ERC2: variants seen among roughly 807,000 people sequenced by gnomAD.
ERC2 encodes the protein ERC protein 2.
In ERC2, 42 loss-of-function variants were observed where a neutral mutation model predicts 114.8. The observed-to-expected ratio is 0.37, with a 90% CI of 0.29 to 0.47. The LOEUF is 0.47. ERC2 is among the 20% of genes least tolerant of loss of function. ERC2 has a pLI of 0.99. For missense variants in ERC2, 939 were observed against 1,150.7 expected (o/e 0.82, Z 2.66); for synonymous variants, 454 against 425.5 (o/e 1.07, Z -0.82).
At chr3:56,264,495 G>A (rs2053157967) in intron 3 of ERC2, among the ~76,000 whole-genome samples, 1 of 151,758 alleles carries the variant, frequency 6.6e-6, no homozygotes, top group Non-Finnish European at 1.5e-5. Flanking sequence ...TACTTGGGAG[G>A]CCAAGACAAG....
chr3:55,793,384 G>A (rs191602300), intron 14 of ERC2, among the ~76,000 whole-genome samples: 199 of 152,302 alleles, frequency 1.3e-3, no homozygotes, highest in African/African-American at 4.6e-3. Flanking sequence ...AAAGCCAGGT[G>A]AACATTCTAA....
chr3:55,752,891 C>T (rs2066804108), intron 14 of ERC2, among the ~76,000 whole-genome samples: 1 of 152,270 alleles, frequency 6.6e-6, no homozygotes, highest in East Asian at 1.9e-4. Flanking sequence ...GGCTGAATTC[C>T]GATAAGAGGA....
intron 17 of ERC2, among the ~76,000 whole-genome samples, chr3:55,661,543 T>G (rs1427669907): frequency 6.6e-6 from 1 of 152,204 alleles, no homozygotes; most frequent in Non-Finnish European, 1.5e-5. Context: ...ACTTTCTTTC[T>G]CGACTTTTAA....
chr3:55,967,857 TTGCCTTTC>T (rs895189655), intron 12 of ERC2, among the ~76,000 whole-genome samples: 50 of 152,294 alleles, frequency 3.3e-4, no homozygotes, highest in African/African-American at 9.1e-4. Context: ...TTGCCCTCTC[TTGCCTTTC>T]TGCCTTTCTG....
intron 17 of ERC2, among the ~76,000 whole-genome samples, chr3:55,598,424 A>C (rs1187484095): frequency 6.6e-6 from 1 of 152,246 alleles, no homozygotes; most frequent in Admixed American, 6.5e-5. Flanking sequence ...TGCTCATAAC[A>C]TTAGTGCTGA....
At chr3:56,268,182 T>G (rs1023266863) in intron 3 of ERC2, among the ~76,000 whole-genome samples, 1 of 152,226 alleles carries the variant, frequency 6.6e-6, no homozygotes. Context: ...TAGAAATATT[T>G]AGATACACCA....
At chr3:56,128,001 C>T (rs890584990) in intron 6 of ERC2, among the ~76,000 whole-genome samples, 8 of 151,794 alleles carry the variant, frequency 5.3e-5, no homozygotes, top group Non-Finnish European at 7.4e-5. Context: ...GTAAAATCCC[C>T]GGAGGCGGAG....
intron 13 of ERC2, among the ~76,000 whole-genome samples, chr3:55,909,133 C>G (rs967091413): frequency 2.0e-5 from 3 of 152,192 alleles, no homozygotes; most frequent in African/African-American, 7.2e-5. Context: ...AACAGGAAGT[C>G]AGTCTAATGC....
At chr3:55,686,341 TTTTAAAG>T (rs2062330733) in intron 16 of ERC2, among the ~76,000 whole-genome samples, 2 of 152,242 alleles carry the variant, frequency 1.3e-5, no homozygotes, top group Non-Finnish European at 2.9e-5. Context: ...GTTTTTAGTT[TTTTAAAG>T]TTTAAAGTTT....
chr3:55,819,279 T>C (rs566466595), intron 14 of ERC2, among the ~76,000 whole-genome samples: 1 of 152,312 alleles, frequency 6.6e-6, no homozygotes, highest in East Asian at 1.9e-4. Context: ...AACCTCGACT[T>C]GTGACAAGCC....
intron 14 of ERC2, among the ~76,000 whole-genome samples, chr3:55,748,498 T>C (rs184689521): frequency 1.3e-5 from 2 of 152,254 alleles, no homozygotes; most frequent in Non-Finnish European, 2.9e-5. Context: ...AACCCAGAGA[T>C]TGTCCACAGT....
At chr3:55,815,436 A>T (rs910684962) in intron 14 of ERC2, among the ~76,000 whole-genome samples, 3 of 152,180 alleles carry the variant, frequency 2.0e-5, no homozygotes, top group Non-Finnish European at 4.4e-5. Flanking sequence ...AGGAAGTGAG[A>T]GCGATGTGAA....
chr3:55,967,512 A>G (rs1436728362), intron 12 of ERC2, among the ~76,000 whole-genome samples: 2 of 152,196 alleles, frequency 1.3e-5, no homozygotes, highest in African/African-American at 4.8e-5. Context: ...GTACCTTATA[A>G]AATCAGAATT....
chr3:55,651,915 T>G (rs1377759228), intron 17 of ERC2, among the ~76,000 whole-genome samples: 1 of 152,254 alleles, frequency 6.6e-6, no homozygotes, highest in Non-Finnish European at 1.5e-5. Flanking sequence ...GGAATGCTGT[T>G]GCATTTCATT....
At position 55,834,795 on chromosome 3, in the gene ERC2, C is replaced by T. The variant is rs1399434431; in HGVS notation, c.2564+53594G>A. Among the ~76,000 whole-genome samples, 2 of 113,030 alleles carry T rather than the reference C, an allele frequency of 1.8e-5. 1 individual carries two copies. Among genetic ancestry groups the T allele is most frequent in the African/African-American group, 1.0e-4 (2 of 19,568 alleles). 74.2% of individuals were successfully genotyped at this position (113,030 alleles called of 152,430 possible). On this transcript the variant is annotated intron_variant, in intron 14 of 17. Coordinates refer to ENST00000288221, the MANE Select transcript of ERC2 (RefSeq NM_015576.3). The stretch of plus-strand genomic sequence containing the variant: ...CTGAAGGAAATAGAGACACAAAAAA[C>T]CCTTCAAAACCAGGAGCTGGTTTTT...
At chr3:56,372,630 A>C (rs2059398641) in intron 2 of ERC2, among the ~76,000 whole-genome samples, 1 of 152,206 alleles carries the variant, frequency 6.6e-6, no homozygotes, top group Non-Finnish European at 1.5e-5. Flanking sequence ...CAGGAGGCTG[A>C]GGTGGGAGGA....
At chr3:55,797,549 C>CCCAGA (rs2070617614) in intron 14 of ERC2, among the ~76,000 whole-genome samples, 1 of 152,082 alleles carries the variant, frequency 6.6e-6, no homozygotes, top group African/African-American at 2.4e-5. Flanking sequence ...TATAAATTCC[C>CCCAGA]CCAGATCACC....
At chr3:55,828,326 C>A (rs1002445696) in intron 14 of ERC2, among the ~76,000 whole-genome samples, 2 of 152,198 alleles carry the variant, frequency 1.3e-5, no homozygotes, top group African/African-American at 4.8e-5. Flanking sequence ...AATAAAAATT[C>A]CTGGGGAAAC....
chr3:55,867,819 A>C (rs2062395293), intron 14 of ERC2, among the ~76,000 whole-genome samples: 2 of 152,202 alleles, frequency 1.3e-5, no homozygotes, highest in South Asian at 4.1e-4. Flanking sequence ...GTCACTTTAA[A>C]ATGTCAAATA....
Sources: gnomAD v4.1 joint callset for allele counts (sites outside exome capture counted in the v4.1 genomes callset) on GRCh38, gnomAD v4.1.1 for gene constraint, MANE v1.5 for transcripts, NCBI Gene and HGNC (gene_info 2026-07-23, HGNC 2026-07-21) for gene names.